Variants in BRCA2 observed in about 807,000 individuals in gnomAD.
BRCA2 encodes breast cancer type 2 susceptibility protein.
In BRCA2, 203 loss-of-function variants were observed where a neutral mutation model predicts 276.7. The ratio of observed to expected loss-of-function variants is 0.73; its 90% CI spans 0.65 to 0.82. The LOEUF (loss-of-function observed/expected upper bound fraction) is 0.82. BRCA2 is among the 40% of genes least tolerant of loss of function. BRCA2 has a pLI of 0.00. For synonymous variants in BRCA2, 1,289 were observed against 1,338.4 expected (o/e 0.96, Z 0.81); for missense variants, 3,920 against 3,915.0 (o/e 1.00, Z -0.03).
chr13:32,334,071 C>A (rs1264387082), intron 10 of BRCA2, among the ~76,000 whole-genome samples: 1 of 152,184 alleles, frequency 6.6e-6, no homozygotes, highest in Non-Finnish European at 1.5e-5. Context: ...AATAGTGCTG[C>A]AGTGAATGTA....
intron 11 of BRCA2, among the ~76,000 whole-genome samples, chr13:32,343,395 C>G (rs2072587493): frequency 6.6e-6 from 1 of 152,124 alleles, no homozygotes; most frequent in Non-Finnish European, 1.5e-5. Context: ...CTCTTCCTGT[C>G]TAGACCCCAT....
intron 24 of BRCA2, chr13:32,384,516 G>T: frequency 6.5e-6 from 1 of 153,546 alleles, no homozygotes. Flanking sequence ...ATTTATGGGG[G>T]AGCCTGTGCT....
rs1218113889 is a variant in BRCA2 at position 32,340,633 on chromosome 13, A to G, written c.6278A>G (p.His2093Arg). The G allele has an allele frequency of 2.5e-6, 4 of 1,606,750 alleles. No individual in the cohort carries two copies. Among genetic ancestry groups the G allele is most frequent in the Non-Finnish European group, 3.4e-6 (4 of 1,177,564 alleles). Residue 2093 changes from histidine (H) to arginine (R), a missense_variant, in exon 11 of 27, where the codon CAC (histidine) becomes CGC (arginine). By Grantham distance (29) the His-to-Arg change is conservative. Around this residue, in one of 2 missense-constraint regions of BRCA2, gnomAD observed 3,263 missense variants for 3,156.9 expected, o/e 1.03. Transcript: ENST00000380152. ...FDLIRTEHSL[H>R]YSPTSRQNVS... ...TTAATCAGAACTGAGCATAGTCTTC[A>G]CTATTCACCTACGTCTAGACAAAAT...
chr13:32,373,539 C>T (rs1213031597), intron 20 of BRCA2, among the ~76,000 whole-genome samples: 1 of 152,046 alleles, frequency 6.6e-6, no homozygotes, highest in African/African-American at 2.4e-5. Context: ...ATAAAAATAA[C>T]TCCTAGCCTC....
At chr13:32,325,271 C>A (rs1282979886) in intron 4 of BRCA2, 87 bp downstream of exon 4, 1 of 1,083,230 alleles carries the variant, frequency 9.2e-7, no homozygotes, top group Non-Finnish European at 1.3e-6. Flanking sequence ...GATTTTTATG[C>A]TAATATTTTG....
intron 24 of BRCA2, among the ~76,000 whole-genome samples, chr13:32,390,784 G>A (rs2072991715): frequency 3.9e-5 from 6 of 152,268 alleles, no homozygotes; most frequent in Admixed American, 3.3e-4. Flanking sequence ...TCTCTTCAAG[G>A]ACAGGGACTC....
At chr13:32,361,724 C>G (rs1398814260) in intron 16 of BRCA2, among the ~76,000 whole-genome samples, 3 of 151,850 alleles carry the variant, frequency 2.0e-5, no homozygotes, top group African/African-American at 7.3e-5. Context: ...TGTAGGGATA[C>G]AGATGCTGTG....
rs80358990 is a variant in BRCA2, at chr13:32,357,757, G to A, written c.7633G>A (p.Val2545Ile). The A allele has an allele frequency of 5.6e-6, 9 of 1,612,614 alleles. No homozygotes were observed. The highest frequency in any genetic ancestry group is 1.6e-4 in the Middle Eastern group (1 of 6,078). ...CSHKQLYTYGVSKHCIKINSK... is the reference protein window; with the variant it reads ...CSHKQLYTYGISKHCIKINSK... ...TTTTGTGTAGCTGTATACGTATGGC[G>A]TTTCTAAACATTGCATAAAAATTAA... is the stretch of plus-strand genomic sequence containing the variant. Residue 2545 changes from valine to isoleucine, a missense_variant, in exon 16 of 27, where the codon GTT becomes ATT. Transcript: ENST00000380152.
chr13:32,388,088 G>A (rs1456820395), intron 24 of BRCA2, among the ~76,000 whole-genome samples: 6 of 150,346 alleles, frequency 4.0e-5, no homozygotes, highest in African/African-American at 9.8e-5. Context: ...CCGCTAAGCC[G>A]CATAGGGCTG....
chr13:32,379,904 A>G lies in BRCA2; in HGVS notation c.9108A>G (p.Gln3036=), dbSNP rs786203037. The G allele has an allele frequency of 1.9e-6, 3 of 1,613,466 alleles. No individual in the cohort carries two copies. The highest frequency in any genetic ancestry group is 1.1e-5 in the South Asian group (1 of 91,040). Residue 3036 remains glutamine, a synonymous_variant, in exon 23 of 27, where the codon CAA becomes CAG. Coordinates refer to ENST00000380152, the MANE Select transcript of BRCA2 (RefSeq NM_000059.4). ...QLAATKKTQY[Q]QLPVSDEILF... ...CAGCGACAAAAAAAACTCAGTATCA[A>G]CAACTACCGGTACAAACCTTTCATT...
chr13:32,388,435 A>G (rs1240894082), intron 24 of BRCA2, among the ~76,000 whole-genome samples: 1 of 152,102 alleles, frequency 6.6e-6, no homozygotes, highest in Non-Finnish European at 1.5e-5. Flanking sequence ...AGGATTTTTC[A>G]ACTTTATAAT....
At chr13:32,361,549 T>C (rs1593923312) in intron 16 of BRCA2, among the ~76,000 whole-genome samples, 1 of 152,264 alleles carries the variant, frequency 6.6e-6, no homozygotes, top group South Asian at 2.1e-4. Context: ...CCGTTTCTTA[T>C]GCTGATTCAC....
chr13:32,394,264 G>A (rs1345570819), intron 24 of BRCA2, among the ~76,000 whole-genome samples: 1 of 152,136 alleles, frequency 6.6e-6, no homozygotes, highest in Non-Finnish European at 1.5e-5. Flanking sequence ...TTGTTCATAG[G>A]TGTTTTCATG....
chr13:32,330,866 A>G (rs1474389186), intron 8 of BRCA2, 53 bp from the exon 9 acceptor site: 3 of 1,061,468 alleles, frequency 2.8e-6, no homozygotes, highest in Non-Finnish European at 1.4e-6. Flanking sequence ...GACTACTACT[A>G]TATGTGCATT....
In BRCA2 at chr13:32,332,278, G is replaced by GA. The variant is rs886040744; in HGVS notation, c.805dup (p.Thr269AsnfsTer7). The stretch of plus-strand genomic sequence containing the variant: ...CTGTTTTATACTTTAACAGGATTTG[G>GA]AAAAACATCAGGGAATTCATTTAAA... On this transcript the variant is annotated frameshift_variant, in exon 10 of 27. Coordinates refer to ENST00000380152, the MANE Select transcript of BRCA2 (RefSeq NM_000059.4). LOFTEE classifies it high-confidence loss of function. The GA allele has an allele frequency of 1.9e-6, 3 of 1,601,234 alleles. No individual in the cohort carries two copies. The highest frequency in any genetic ancestry group is 2.3e-5 in the South Asian group (2 of 88,556).
chr13:32,370,513 G>A lies in BRCA2; in HGVS notation c.8443G>A (p.Val2815Ile), dbSNP rs80359093. ...ATCGCTTTTCAGTGATGGAGGAAAT[G>A]TTGGTTGTGTTGATGTAATTATTCA... ...LSSLFSDGGN[V>I]GCVDVIIQRA... Residue 2815 changes from valine to isoleucine, a missense_variant, in exon 19 of 27, where the codon GTT becomes ATT. Transcript: ENST00000380152. 1 of 1,613,948 alleles carries A rather than the reference G, an allele frequency of 6.2e-7. No homozygotes were observed. Among genetic ancestry groups the A allele is most frequent in the Non-Finnish European group, 8.5e-7 (1 of 1,179,826 alleles).
In BRCA2 at chr13:32,398,628, C is replaced by G. The variant is rs748237097; in HGVS notation, c.10115C>G (p.Ala3372Gly). Residue 3372 changes from alanine (A) to glycine (G), a missense_variant, in exon 27 of 27, where the codon GCT becomes GGT. Ala to Gly is a moderately conservative substitution (Grantham distance 60). Around this residue, in one of 2 missense-constraint regions of BRCA2, gnomAD observed 657 missense variants for 758.2 expected, o/e 0.87. Transcript: ENST00000380152. ...TCTGTCAGTGAATCCACTAGGACTG[C>G]TCCCACCAGTTCAGAAGATTATCTC... The part of the protein sequence containing the change: ...FISVSESTRT[A>G]PTSSEDYLRL... The G allele has an allele frequency of 1.1e-5, 17 of 1,614,184 alleles. No individual in the cohort carries two copies. The South Asian group carries it at 1.9e-4, about 18-fold the overall frequency.
At chr13:32,319,600 CA>C (rs1356112684) in intron 3 of BRCA2, among the ~76,000 whole-genome samples, 11 of 151,952 alleles carry the variant, frequency 7.2e-5, no homozygotes, top group Non-Finnish European at 1.3e-4. Flanking sequence ...TTTCTTATGC[CA>C]AAAAAACCTA....
chr13:32,343,749 C>T (rs530600656), intron 11 of BRCA2, among the ~76,000 whole-genome samples: 6 of 151,900 alleles, frequency 3.9e-5, no homozygotes, highest in East Asian at 1.9e-4. Flanking sequence ...ATGCTTTCAA[C>T]GGTGTTACTA....
Sources: gnomAD v4.1 joint callset for allele counts (sites outside exome capture counted in the v4.1 genomes callset) on GRCh38, gnomAD v4.1.1 for gene constraint, gnomAD v4.1.1 regional missense constraint, MANE v1.5 for transcripts, NCBI Gene and HGNC (gene_info 2026-07-23, HGNC 2026-07-21) for gene names.